The following RPL10 variants were observed in gnomAD, a reference collection of about 807,000 sequenced individuals.
RPL10 encodes large ribosomal subunit protein uL16.
RPL10 carries 1 observed loss-of-function variant against 15.7 expected under a neutral mutation model. That is an observed-to-expected ratio of 0.06 (90% CI 0.02 to 0.30). The LOEUF (loss-of-function observed/expected upper bound fraction) is 0.30, where lower values mean the gene tolerates loss of function less well. Among genes scored for constraint, RPL10 ranks in the 10% least tolerant of loss-of-function variants. The pLI, the probability that RPL10 is intolerant of heterozygous loss-of-function variation, is 1.00. For missense variants in RPL10, 54 were observed against 183.4 expected, an observed-to-expected ratio of 0.29 and a Z score of 4.08; for synonymous variants, 59 against 64.0, an observed-to-expected ratio of 0.92 and a Z score of 0.37.
At chrX:154,399,237 C>T in intron 2 of RPL10, 101 bp from the exon 3 acceptor site, 7 of 849,316 alleles carry the variant, frequency 8.2e-6, no homozygotes, top group South Asian at 2.0e-5. Flanking sequence ...GCATTCCCCA[C>T]CCTTTTCCCG....
Position 154,399,897 on chromosome X carries a change from C to T in RPL10, c.285C>T (p.His95=), listed in dbSNP as rs11558108. The stretch of plus-strand genomic sequence containing the variant: ...TCCGGGTGCGGCTCCACCCCTTCCA[C>T]GTCATCCGCATCAACAAGATGTTGT... The part of the protein sequence containing the change: ...FHIRVRLHPF[H]VIRINKMLSC... Residue 95 remains histidine, a synonymous_variant, in exon 5 of 7, where the codon CAC becomes CAT. Coordinates refer to ENST00000369817, the MANE Select transcript of RPL10 (RefSeq NM_006013.5). 1.7e-5 allele frequency: 21 copies of T among 1,210,736 alleles called. No homozygotes were observed. Among genetic ancestry groups the T allele is most frequent in the Non-Finnish European group, 2.2e-5 (20 of 895,339 alleles).
intron 3 of RPL10, 27 bp from the exon 4 acceptor site, chrX:154,399,460 C>A (rs961521195): frequency 3.3e-6 from 4 of 1,209,418 alleles, no homozygotes. Flanking sequence ...CTGTGACACC[C>A]CCTGCACACT....
Position 154,402,305 on chromosome X carries a change from A to C in RPL10, c.*1451A>C, listed in dbSNP as rs111424017. The C allele has an allele frequency of 0.012, 1,807 of 146,179 alleles. 35 individuals carry two copies. The highest frequency in any genetic ancestry group is 0.054 in the African/African-American group (1,722 of 31,758). The allele number at this position is 146,179 out of a possible 1,213,427, so 12.0% of individuals were successfully genotyped here. On this transcript the variant is annotated 3_prime_UTR_variant, in exon 7 of 7. Coordinates refer to ENST00000369817, the MANE Select transcript of RPL10 (RefSeq NM_006013.5). ...TAATGGTTTCCTGGTGATTCTTACCAATCCACAATAAACATGGCCCATTGG... is the reference window on the plus strand; with the variant it reads ...TAATGGTTTCCTGGTGATTCTTACCCATCCACAATAAACATGGCCCATTGG...
Position 154,398,680 on chromosome X carries a change from C to G in RPL10, c.23+138C>G, listed in dbSNP as rs782224986. ...TTGGGAACTGACCCTATGTTTTACA[C>G]CTCCCGGCTATTTTTTAGTCTGCAA... On this transcript the variant is annotated intron_variant, in intron 2 of 6. Transcript: ENST00000369817. The G allele has an allele frequency of 8.0e-5, 59 of 742,017 alleles. No individual in the cohort carries two copies. The African/African-American group carries it at 1.1e-3, about 14-fold the overall frequency. 61.2% of individuals were successfully genotyped at this position (742,017 alleles called of 1,213,427 possible).
Position 154,401,364 on chromosome X carries a change from A to G in RPL10, c.*510A>G, listed in dbSNP as rs1034617343. The G allele has an allele frequency of 2.0e-5, 3 of 153,558 alleles. No homozygotes were observed. Among genetic ancestry groups the G allele is most frequent in the Non-Finnish European group, 3.8e-5 (3 of 79,074 alleles). The allele number at this position is 153,558 out of a possible 1,213,427, so 12.7% of individuals were successfully genotyped here. On this transcript the variant is annotated 3_prime_UTR_variant, in exon 7 of 7. Transcript: ENST00000369817. ...GAATCATCCAGGTACTGCTGAGGTC[A>G]CCTGCGATTTGCCCCATTTCCTATC...
chrX:154,400,332 C>CG (rs1557185688), intron 5 of RPL10, 132 bp from the exon 6 acceptor site: 23 of 722,271 alleles, frequency 3.2e-5, no homozygotes, highest in Non-Finnish European at 4.8e-5. Flanking sequence ...ACCCAGTGTG[C>CG]GATGGCTGCA....
Position 154,400,850 on chromosome X carries a change from C to T in RPL10, c.641C>T (p.Ser214Leu), listed in dbSNP as rs200371097. The part of the protein sequence containing the change: ...GPLDKWRALH[S>L] ...CTGGACAAGTGGCGGGCCCTGCACT[C>T]ATGAGGGCTTCCAATGTGCTGCCCC... Residue 214 changes from serine (S) to leucine (L), a missense_variant, in exon 7 of 7, where the codon TCA becomes TTA. By Grantham distance (145) the Ser-to-Leu change is moderately radical. This residue lies in a region of RPL10 where 32 missense variants were observed against 76.0 expected (regional missense o/e 0.42). Coordinates refer to ENST00000369817, the MANE Select transcript of RPL10 (RefSeq NM_006013.5). 28 of 1,209,880 alleles carry T rather than the reference C, an allele frequency of 2.3e-5. No individual in the cohort carries two copies. Among genetic ancestry groups the T allele is most frequent in the Non-Finnish European group, 1.1e-5 (10 of 895,039 alleles).
intron 2 of RPL10, 80 bp downstream of exon 2, chrX:154,398,622 G>A: frequency 8.8e-7 from 1 of 1,134,862 alleles, no homozygotes; most frequent in Non-Finnish European, 1.2e-6. Flanking sequence ...AAACAATTGT[G>A]GGGTGGAGCC....
intron 2 of RPL10, chrX:154,399,079 T>C: frequency 2.2e-6 from 1 of 446,268 alleles, no homozygotes; most frequent in Non-Finnish European, 4.0e-6. Flanking sequence ...CTAGGAAAGT[T>C]TGTTGCAAAG....
chrX:154,398,141 C>T (rs2067949385), upstream of RPL10: 3 of 367,506 alleles, frequency 8.2e-6, no homozygotes, highest in East Asian at 1.7e-4. Context: ...CGGAAGCGGG[C>T]TTCTCGCGAC....
Position 154,400,810 on chromosome X carries a change from C to T in RPL10, c.601C>T (p.Pro201Ser), listed in dbSNP as rs2068013869. The T allele has an allele frequency of 2.5e-6, 3 of 1,209,992 alleles. No individual in the cohort carries two copies. The highest frequency in any genetic ancestry group is 3.5e-5 in the African/African-American group (2 of 57,156). Residue 201 changes from proline (P) to serine (S), a missense_variant, in exon 7 of 7, where the codon CCC (proline) becomes TCC (serine). Physicochemically the swap from Pro to Ser is moderately conservative, Grantham distance 74 (BLOSUM62 -1). Around this residue, in one of 3 missense-constraint regions of RPL10, gnomAD observed 32 missense variants for 76.0 expected, o/e 0.42. Transcript: ENST00000369817. ...AGATGGCTGTGGGGTCAAGTACATC[C>T]CCAGTCGTGGCCCTCTGGACAAGTG... ...IPDGCGVKYI[P>S]SRGPLDKWRA...
At chrX:154,398,654 C>T (rs1045532692) in intron 2 of RPL10, 112 bp downstream of exon 2, 3 of 937,157 alleles carry the variant, frequency 3.2e-6, no homozygotes, top group South Asian at 2.0e-5. Flanking sequence ...GCGGCCCTGT[C>T]TTGGGAACTG....
chrX:154,399,616 G>C (rs376527381), intron 4 of RPL10, 22 bp downstream of exon 4: 4 of 1,193,151 alleles, frequency 3.4e-6, no homozygotes, highest in Non-Finnish European at 4.6e-6. Context: ...TTCTTTGTTC[G>C]TCACCCCCCA....
chrX:154,399,753 G>T (rs2067987936), intron 4 of RPL10, 50 bp from the exon 5 acceptor site: 1 of 1,204,158 alleles, frequency 8.3e-7, no homozygotes, highest in Non-Finnish European at 1.1e-6. Context: ...CGTGGTGAAT[G>T]TTTCTCTATT....
chrX:154,399,332 C>T lies in RPL10; in HGVS notation c.24-6C>T, dbSNP rs781948823. 2.5e-6 allele frequency: 3 copies of T among 1,211,136 alleles called. No individual in the cohort carries two copies. The highest frequency in any genetic ancestry group is 4.3e-5 in the Admixed American group (2 of 45,996). On this transcript the variant is annotated splice_polypyrimidine_tract_variant and splice_region_variant and intron_variant, in intron 2 of 6. Coordinates refer to ENST00000369817, the MANE Select transcript of RPL10 (RefSeq NM_006013.5). The stretch of plus-strand genomic sequence containing the variant: ...ACCTAACCTGTGTTTTTTCACTCCC[C>T]TGCAGTTACCGGTATTGTAAGAACA...
rs782777902 is a variant in RPL10, at chrX:154,398,788, C to T, written c.23+246C>T. The T allele has an allele frequency of 1.6e-5, 7 of 441,522 alleles. No homozygotes were observed. In the African/African-American group the frequency reaches 1.7e-4, roughly 11 times the overall value. The allele number at this position is 441,522 out of a possible 1,213,427, so 36.4% of individuals were successfully genotyped here. On this transcript the variant is annotated intron_variant, in intron 2 of 6. Transcript: ENST00000369817. ...CTCTGCCTGTGTCCTGCAAGCTCAC[C>T]GCATTTTCGGGCGCTAGATACGCTC...
Position 154,401,739 on chromosome X carries a change from C to T in RPL10, c.*885C>T, listed in dbSNP as rs2068041474. On this transcript the variant is annotated 3_prime_UTR_variant, in exon 7 of 7. Coordinates refer to ENST00000369817, the MANE Select transcript of RPL10 (RefSeq NM_006013.5). ...CAAAAGGCCTCTGGTTTTTTGTAAT[C>T]TCAGTTTACAGCCATTTCTTAGGTT... is the stretch of plus-strand genomic sequence containing the variant. The T allele has an allele frequency of 1.8e-5, 2 of 112,374 alleles. No individual in the cohort carries two copies. Among genetic ancestry groups the T allele is most frequent in the South Asian group, 3.6e-4 (1 of 2,758 alleles). 9.3% of individuals were successfully genotyped at this position (112,374 alleles called of 1,213,427 possible).
In RPL10 at chrX:154,402,242, A is replaced by G. The variant is rs994065652; in HGVS notation, c.*1388A>G. 7.7e-6 allele frequency: 1 copy of G among 129,186 alleles called. No individual in the cohort carries two copies. Among genetic ancestry groups the G allele is most frequent in the African/African-American group, 3.2e-5 (1 of 31,164 alleles). The allele number at this position is 129,186 out of a possible 1,213,427, so 10.6% of individuals were successfully genotyped here. On this transcript the variant is annotated 3_prime_UTR_variant, in exon 7 of 7. Transcript: ENST00000369817. The stretch of plus-strand genomic sequence containing the variant: ...GCTGGTTTCAGGGAAGGAGTTTGAT[A>G]TAGCAGATTAACCACCCTCCTTGTA...
intron 4 of RPL10, 21 bp downstream of exon 4, chrX:154,399,615 C>A (rs372968320): frequency 8.4e-7 from 1 of 1,189,881 alleles, no homozygotes; most frequent in Non-Finnish European, 1.1e-6. Flanking sequence ...ATTCTTTGTT[C>A]GTCACCCCCC....
Sources: gnomAD v4.1 joint callset for allele counts on GRCh38, gnomAD v4.1.1 for gene constraint, gnomAD v4.1.1 regional missense constraint, MANE v1.5 for transcripts, NCBI Gene and HGNC (gene_info 2026-07-23, HGNC 2026-07-21) for gene names.